Variants in FSTL5 observed in about 807,000 individuals in gnomAD.
The protein encoded by FSTL5 is follistatin-related protein 5.
FSTL5 carries 62 observed loss-of-function variants against 89.1 expected under a neutral mutation model. The ratio of observed to expected loss-of-function variants is 0.70; its 90% CI spans 0.57 to 0.86. The LOEUF is 0.86. Ranked by LOEUF, FSTL5 falls within the 40% of genes least tolerant of loss-of-function variation. FSTL5 has a pLI of 0.00. For synonymous variants in FSTL5, 383 were observed against 346.2 expected, an observed-to-expected ratio of 1.11 and a Z score of -1.18; for missense variants, 1,057 against 1,001.6, an observed-to-expected ratio of 1.06 and a Z score of -0.75.
At chr4:161,819,259 T>G (rs959904667) in intron 4 of FSTL5, among the ~76,000 whole-genome samples, 3 of 152,146 alleles carry the variant, frequency 2.0e-5, no homozygotes, top group African/African-American at 7.2e-5. Context: ...TCTTTAATTT[T>G]TCAGTATTCA....
chr4:161,859,327 T>A (rs770684954), intron 4 of FSTL5, among the ~76,000 whole-genome samples: 6 of 152,178 alleles, frequency 3.9e-5, no homozygotes, highest in Non-Finnish European at 8.8e-5. Context: ...TTCTATTAGG[T>A]TCATTATACA....
intron 4 of FSTL5, among the ~76,000 whole-genome samples, chr4:161,835,607 G>A (rs2126866514): frequency 6.6e-6 from 1 of 151,538 alleles, no homozygotes; most frequent in East Asian, 1.9e-4. Flanking sequence ...AAATTTACAA[G>A]AAAAAAACAA....
chr4:161,994,920 T>G (rs1736244674), intron 3 of FSTL5, among the ~76,000 whole-genome samples: 2 of 152,120 alleles, frequency 1.3e-5, no homozygotes, highest in African/African-American at 4.8e-5. Context: ...GCTTTTGTTG[T>G]GATTGCTTTT....
chr4:161,841,491 C>T (rs1478743434), intron 4 of FSTL5, among the ~76,000 whole-genome samples: 1 of 152,022 alleles, frequency 6.6e-6, no homozygotes, highest in Non-Finnish European at 1.5e-5. Context: ...GAATCAAAAT[C>T]CCATAGATGG....
intron 8 of FSTL5, among the ~76,000 whole-genome samples, chr4:161,551,358 G>T (rs544496709): frequency 2.5e-4 from 38 of 150,746 alleles, no homozygotes; most frequent in Admixed American, 5.3e-4. Flanking sequence ...TTTTTCATGT[G>T]TTTTTTGGCT....
intron 1 of FSTL5, among the ~76,000 whole-genome samples, chr4:162,156,401 C>T (rs1281169118): frequency 6.6e-6 from 1 of 152,010 alleles, no homozygotes; most frequent in Admixed American, 6.6e-5. Context: ...GGTAGATAGC[C>T]ACAAGAAAAT....
chr4:161,496,137 T>C (rs1730061870), intron 12 of FSTL5, among the ~76,000 whole-genome samples: 1 of 152,292 alleles, frequency 6.6e-6, no homozygotes, highest in South Asian at 2.1e-4. Flanking sequence ...AGAGAATGCA[T>C]AAAACGATGA....
In FSTL5 at chr4:161,426,616, G is replaced by A. The variant is rs189916199; in HGVS notation, c.1841+28388C>T. 7.9e-5 allele frequency among the ~76,000 whole-genome samples: 12 copies of A among 152,148 alleles called. No homozygotes were observed. The East Asian group carries it at 2.1e-3, about 27-fold the overall frequency. ...GAAGATAATTTTTTTTGTTTGAGGT[G>A]GAGTCTCACTCTGTTGCCCAGGCTT... On this transcript the variant is annotated intron_variant, in intron 15 of 15. Coordinates refer to ENST00000306100, the MANE Select transcript of FSTL5 (RefSeq NM_020116.5).
At chr4:162,032,028 A>G (rs976093275) in intron 3 of FSTL5, among the ~76,000 whole-genome samples, 1 of 152,172 alleles carries the variant, frequency 6.6e-6, no homozygotes, top group Admixed American at 6.6e-5. Context: ...AGGAGTGACA[A>G]GCATCATCTT....
chr4:161,603,501 C>A (rs1450387463), intron 7 of FSTL5, among the ~76,000 whole-genome samples: 2 of 152,086 alleles, frequency 1.3e-5, no homozygotes, highest in Non-Finnish European at 1.5e-5. Context: ...AGGAAAACAA[C>A]CCTCCCCAAA....
intron 3 of FSTL5, among the ~76,000 whole-genome samples, chr4:162,008,368 C>A (rs1284033517): frequency 6.6e-6 from 1 of 151,878 alleles, no homozygotes; most frequent in Non-Finnish European, 1.5e-5. Flanking sequence ...AGATCTACTA[C>A]TATACTTATT....
At chr4:162,155,360 C>G (rs184734801) in intron 1 of FSTL5, among the ~76,000 whole-genome samples, 614 of 152,208 alleles carry the variant, frequency 4.0e-3, no homozygotes, top group Admixed American at 6.0e-3. Flanking sequence ...ACAAATCCAG[C>G]CAACTGTTAG....
intron 7 of FSTL5, among the ~76,000 whole-genome samples, chr4:161,649,991 G>A (rs1447140964): frequency 3.9e-5 from 6 of 152,142 alleles, no homozygotes; most frequent in Non-Finnish European, 5.9e-5. Flanking sequence ...AAAGATAAGC[G>A]ATTGAGATCC....
At chr4:161,684,439 T>C (rs767971886) in intron 6 of FSTL5, among the ~76,000 whole-genome samples, 4 of 152,186 alleles carry the variant, frequency 2.6e-5, no homozygotes, top group Non-Finnish European at 5.9e-5. Flanking sequence ...CCAACATCTA[T>C]TGTTTTTTGA....
intron 3 of FSTL5, among the ~76,000 whole-genome samples, chr4:162,010,125 C>A (rs755991614): frequency 7.9e-5 from 12 of 152,000 alleles, no homozygotes; most frequent in African/African-American, 1.2e-4. Flanking sequence ...GTTCAACATA[C>A]TGAACTTAGG....
chr4:161,778,487 T>A lies in FSTL5; in HGVS notation c.410-2413A>T, dbSNP rs1741503057. On this transcript the variant is annotated intron_variant, in intron 4 of 15. Transcript: ENST00000306100. Reference sequence around the variant, plus strand: ...AGAAGCATGGGGCTGCAAAACAATATCTGAATCTCATTCTCTTTCGAGACA... The same window carrying A: ...AGAAGCATGGGGCTGCAAAACAATAACTGAATCTCATTCTCTTTCGAGACA... Among the ~76,000 whole-genome samples the A allele has an allele frequency of 2.6e-5, 4 of 152,148 alleles. 1 individual carries two copies. In the South Asian group the frequency reaches 6.2e-4, roughly 24 times the overall value.
At chr4:162,022,778 G>T (rs374995959) in intron 3 of FSTL5, 1 of 152,144 alleles carries the variant, frequency 6.6e-6, no homozygotes, top group Admixed American at 6.6e-5. Context: ...AGATTAAGAG[G>T]TGGATGGAAC....
chr4:161,623,457 A>T (rs936011652), intron 7 of FSTL5, among the ~76,000 whole-genome samples: 1 of 151,952 alleles, frequency 6.6e-6, no homozygotes, highest in Non-Finnish European at 1.5e-5. Context: ...ATTTGTACTC[A>T]AATATTTTAT....
rs9994264 is a variant in FSTL5, at chr4:161,852,751, T to C, written c.409+67653A>G. ...GATAGACTAGATAAAGAAAATGTCA[T>C]AAATATACACCATGGAATACTATGC... is the stretch of plus-strand genomic sequence containing the variant. On this transcript the variant is annotated intron_variant, in intron 4 of 15. Coordinates refer to ENST00000306100, the MANE Select transcript of FSTL5 (RefSeq NM_020116.5). Among the ~76,000 whole-genome samples the C allele has an allele frequency of 4.8e-3, 732 of 152,214 alleles. 13 individuals carry two copies. Among genetic ancestry groups the C allele is most frequent in the African/African-American group, 0.017 (708 of 41,532 alleles).
Sources: allele counts gnomAD v4.1 joint callset (sites outside exome capture counted in the v4.1 genomes callset), GRCh38; gene constraint gnomAD v4.1.1; transcripts MANE v1.5; gene names NCBI Gene and HGNC (gene_info 2026-07-23, HGNC 2026-07-21).